GABRB1: variants seen among roughly 807,000 people sequenced by gnomAD.
GABRB1 encodes gamma-aminobutyric acid receptor subunit beta-1.
A neutral mutation model predicts 51.6 loss-of-function variants in GABRB1; 17 were observed. That is an observed-to-expected ratio of 0.33 (90% CI 0.23 to 0.49). The LOEUF (loss-of-function observed/expected upper bound fraction) is 0.49, where lower values mean the gene tolerates loss of function less well. Among genes scored for constraint, GABRB1 ranks in the 20% least tolerant of loss-of-function variants. The pLI is 0.99. For missense variants in GABRB1, 410 were observed against 600.6 expected (o/e 0.68, Z 3.32); for synonymous variants, 247 against 218.9 (o/e 1.13, Z -1.14).
rs145429126 is a variant in GABRB1, at chr4:47,000,363, T to G, written c.-20+6437T>G. Reference sequence around the variant, plus strand: ...TAAGCTTTATCTCATTAAAAATACCTCAAGCAAATATTGCAAAATGTTAAG... The same window carrying G: ...TAAGCTTTATCTCATTAAAAATACCGCAAGCAAATATTGCAAAATGTTAAG... On this transcript the variant is annotated intron_variant, in intron 1 of 3. Transcript: ENST00000513567. Among the ~76,000 whole-genome samples the G allele has an allele frequency of 6.0e-3, 919 of 152,338 alleles. 9 individuals carry two copies. The highest frequency in any genetic ancestry group is 0.021 in the African/African-American group (856 of 41,590).
Position 47,425,802 on chromosome 4 carries a change from G to A in GABRB1, c.1209G>A (p.Gln403=). ...ACTCCTATGACAGCGCCAGCATCCA[G>A]TACCGCAAGCCCCTGAGCAGCCGCG... ...TMYSYDSASI[Q]YRKPLSSREA... The change falls in exon 9 of 9, where the codon CAG becomes CAA. Residue 403 remains glutamine, a synonymous_variant. Transcript: ENST00000295454. 1 of 1,614,162 alleles carries A rather than the reference G, an allele frequency of 6.2e-7. No homozygotes were observed. The highest frequency in any genetic ancestry group is 8.5e-7 in the Non-Finnish European group (1 of 1,180,018).
intron 1 of GABRB1, among the ~76,000 whole-genome samples, chr4:47,014,137 C>T (rs1270309944): frequency 6.6e-6 from 1 of 152,114 alleles, no homozygotes; most frequent in Non-Finnish European, 1.5e-5. Flanking sequence ...CACTAGAGAT[C>T]TTATAATCTC....
At chr4:47,310,390 C>G (rs1724627677) in intron 4 of GABRB1, among the ~76,000 whole-genome samples, 2 of 152,074 alleles carry the variant, frequency 1.3e-5, no homozygotes, top group Non-Finnish European at 2.9e-5. Context: ...TTGCCTGATT[C>G]CTGGTTAGTC....
intron 3 of GABRB1, among the ~76,000 whole-genome samples, chr4:47,062,144 A>T (rs1467664246): frequency 6.6e-6 from 1 of 152,156 alleles, no homozygotes; most frequent in Non-Finnish European, 1.5e-5. Flanking sequence ...TTTGAACTGC[A>T]TCACCTTAAG....
chr4:47,223,415 A>G (rs1289505850), intron 4 of GABRB1, among the ~76,000 whole-genome samples: 3 of 152,154 alleles, frequency 2.0e-5, no homozygotes, highest in African/African-American at 4.8e-5. Flanking sequence ...AAAATAAAAT[A>G]TATACATAAA....
At chr4:47,419,029 G>A (rs886840247) in intron 8 of GABRB1, among the ~76,000 whole-genome samples, 2 of 152,112 alleles carry the variant, frequency 1.3e-5, no homozygotes, top group Non-Finnish European at 2.9e-5. Flanking sequence ...GATATATACA[G>A]CTCTCTTTTT....
At chr4:47,154,443 T>C (rs776334620) in intron 3 of GABRB1, among the ~76,000 whole-genome samples, 1 of 152,048 alleles carries the variant, frequency 6.6e-6, no homozygotes, top group Non-Finnish European at 1.5e-5. Flanking sequence ...CCAAATCAAA[T>C]ATTTCTCCCT....
chr4:47,112,929 C>T (rs1226449434), intron 3 of GABRB1, among the ~76,000 whole-genome samples: 2 of 152,098 alleles, frequency 1.3e-5, no homozygotes, highest in Non-Finnish European at 2.9e-5. Flanking sequence ...TTTCCTTTAT[C>T]TCTTTATTGC....
chr4:47,226,187 A>G (rs968926067), intron 4 of GABRB1, among the ~76,000 whole-genome samples: 8 of 152,200 alleles, frequency 5.3e-5, no homozygotes, highest in Admixed American at 4.6e-4. Context: ...CAATAAGTGA[A>G]ATAGATGTGA....
intron 5 of GABRB1, among the ~76,000 whole-genome samples, chr4:47,354,305 C>T (rs375093161): frequency 2.6e-5 from 4 of 152,164 alleles, no homozygotes; most frequent in African/African-American, 4.8e-5. Context: ...TTACTGTTCA[C>T]GTTTTTATAA....
chr4:47,422,176 C>A (rs1248606150), intron 8 of GABRB1, among the ~76,000 whole-genome samples: 1 of 151,014 alleles, frequency 6.6e-6, no homozygotes, highest in African/African-American at 2.4e-5. Flanking sequence ...CCTCCCATAT[C>A]TCCATGTGTA....
chr4:47,225,206 G>T (rs1436376381), intron 4 of GABRB1, among the ~76,000 whole-genome samples: 1 of 152,084 alleles, frequency 6.6e-6, no homozygotes, highest in East Asian at 1.9e-4. Flanking sequence ...GAGTGTTGAG[G>T]TATTAGTGTT....
At chr4:47,405,159 T>C (rs1439849812) in intron 7 of GABRB1, among the ~76,000 whole-genome samples, 1 of 152,184 alleles carries the variant, frequency 6.6e-6, no homozygotes, top group Non-Finnish European at 1.5e-5. Context: ...AAAGGTTTTT[T>C]CAAAGAAATA....
intron 5 of GABRB1, among the ~76,000 whole-genome samples, chr4:47,381,159 A>G (rs1278274272): frequency 6.6e-6 from 1 of 152,014 alleles, no homozygotes; most frequent in African/African-American, 2.4e-5. Context: ...GGAGGTGACT[A>G]CAGAAGCCTC....
intron 4 of GABRB1, among the ~76,000 whole-genome samples, chr4:47,286,747 G>A (rs185157178): frequency 1.3e-5 from 2 of 152,324 alleles, no homozygotes; most frequent in African/African-American, 4.8e-5. Flanking sequence ...GAATTCATAT[G>A]ATGTGTTCAA....
chr4:47,152,271 C>G (rs1717494265), intron 3 of GABRB1, among the ~76,000 whole-genome samples: 2 of 152,098 alleles, frequency 1.3e-5, no homozygotes, highest in Middle Eastern at 3.4e-3. Flanking sequence ...TTGAGTGCCC[C>G]AAACACATGA....
At chr4:47,291,703 C>A (rs758774201) in intron 4 of GABRB1, among the ~76,000 whole-genome samples, 14 of 152,170 alleles carry the variant, frequency 9.2e-5, no homozygotes, top group Non-Finnish European at 1.8e-4. Context: ...CAAAGGAGAT[C>A]TTTTTGGAGC....
intron 4 of GABRB1, among the ~76,000 whole-genome samples, chr4:47,315,301 A>G (rs1724844897): frequency 6.6e-6 from 1 of 152,050 alleles, no homozygotes; most frequent in South Asian, 2.1e-4. Flanking sequence ...TTCACTAATC[A>G]TTAAAAATGC....
intron 4 of GABRB1, among the ~76,000 whole-genome samples, chr4:47,255,253 GT>G (rs1722154687): frequency 6.6e-6 from 1 of 152,102 alleles, no homozygotes; most frequent in African/African-American, 2.4e-5. Flanking sequence ...ATCATTAACT[GT>G]TATTACTAGT....
Sources: allele counts gnomAD v4.1 joint callset (sites outside exome capture counted in the v4.1 genomes callset), GRCh38; gene constraint gnomAD v4.1.1; transcripts MANE v1.5; gene names NCBI Gene and HGNC (gene_info 2026-07-23, HGNC 2026-07-21).